The following HMBOX1 variants were observed in gnomAD, a reference collection of about 807,000 sequenced individuals.
The protein encoded by HMBOX1 is homeobox containing 1.
A neutral mutation model predicts 54.5 loss-of-function variants in HMBOX1; 14 were observed. That is an observed-to-expected ratio of 0.26 (90% CI 0.17 to 0.40). The LOEUF (loss-of-function observed/expected upper bound fraction) is 0.40, where lower values mean the gene tolerates loss of function less well. Among genes scored for constraint, HMBOX1 ranks in the 10% least tolerant of loss-of-function variants. The pLI is 1.00. For missense variants in HMBOX1, 332 were observed against 514.4 expected (o/e 0.65, Z 3.43); for synonymous variants, 160 against 181.0 (o/e 0.88, Z 0.93).
At chr8:29,026,499 T>TC (rs1301981160) in intron 6 of HMBOX1, among the ~76,000 whole-genome samples, 1 of 152,158 alleles carries the variant, frequency 6.6e-6, no homozygotes, top group African/African-American at 2.4e-5. Context: ...ATGCCTTAAA[T>TC]AAGTGAAGTT....
At chr8:28,966,835 A>G (rs1246233009) in intron 2 of HMBOX1, among the ~76,000 whole-genome samples, 2 of 152,186 alleles carry the variant, frequency 1.3e-5, no homozygotes, top group Non-Finnish European at 2.9e-5. Context: ...ATTTTGCTTT[A>G]GGTTATATTT....
chr8:29,030,279 G>A (rs1471033800), intron 6 of HMBOX1, among the ~76,000 whole-genome samples: 1 of 150,998 alleles, frequency 6.6e-6, no homozygotes, highest in Admixed American at 6.6e-5. Context: ...GTACAATGGC[G>A]TGATCTCAGC....
At chr8:29,017,784 G>A (rs1159502008) in intron 5 of HMBOX1, among the ~76,000 whole-genome samples, 1 of 152,164 alleles carries the variant, frequency 6.6e-6, no homozygotes, top group African/African-American at 2.4e-5. Flanking sequence ...AGATCTGTAA[G>A]TCTTGAAGTA....
chr8:29,049,110 C>G (rs1806048191), intron 9 of HMBOX1, 62 bp downstream of exon 9: 1 of 1,496,128 alleles, frequency 6.7e-7, no homozygotes, highest in East Asian at 2.3e-5. Flanking sequence ...AGTGGGACAG[C>G]TTAGTTCCTT....
chr8:29,010,543 GAGACCTGT>G (rs1834087812), intron 5 of HMBOX1, among the ~76,000 whole-genome samples: 1 of 151,476 alleles, frequency 6.6e-6, no homozygotes, highest in Admixed American at 6.6e-5. Context: ...ATGACAAAGG[GAGACCTGT>G]CTCAAAAAAA....
intron 1 of HMBOX1, among the ~76,000 whole-genome samples, chr8:28,892,242 A>G (rs1393475717): frequency 1.3e-5 from 2 of 152,224 alleles, no homozygotes; most frequent in Admixed American, 1.3e-4. Flanking sequence ...TTGTGCAATT[A>G]AGTTGCTTGA....
chr8:28,909,193 A>G (rs574384641), intron 1 of HMBOX1, among the ~76,000 whole-genome samples: 36 of 152,218 alleles, frequency 2.4e-4, no homozygotes, highest in South Asian at 8.3e-4. Context: ...GTTTGACAAG[A>G]TAATTGACCT....
At chr8:29,007,894 A>G (rs762515286) in intron 4 of HMBOX1, among the ~76,000 whole-genome samples, 6 of 151,956 alleles carry the variant, frequency 3.9e-5, no homozygotes, top group African/African-American at 9.7e-5. Flanking sequence ...CATTTCCTCA[A>G]ATTTTCTTTT....
At chr8:28,919,916 G>A (rs1817238858) in intron 1 of HMBOX1, among the ~76,000 whole-genome samples, 1 of 151,978 alleles carries the variant, frequency 6.6e-6, no homozygotes, top group Non-Finnish European at 1.5e-5. Context: ...TAAAATGAAA[G>A]CCATAGTCAA....
intron 1 of HMBOX1, among the ~76,000 whole-genome samples, chr8:28,895,105 G>A (rs1057369582): frequency 6.6e-6 from 1 of 152,188 alleles, no homozygotes; most frequent in Non-Finnish European, 1.5e-5. Flanking sequence ...AATTTAGAGT[G>A]TGGATTGTGA....
chr8:28,956,433 G>T (rs1209259027), intron 1 of HMBOX1, among the ~76,000 whole-genome samples: 2 of 151,628 alleles, frequency 1.3e-5, no homozygotes, highest in Non-Finnish European at 2.9e-5. Context: ...TGTTGTAGAT[G>T]TATTACTATG....
At chr8:28,903,322 A>C (rs1167180882) in intron 1 of HMBOX1, among the ~76,000 whole-genome samples, 1 of 152,078 alleles carries the variant, frequency 6.6e-6, no homozygotes, top group African/African-American at 2.4e-5. Flanking sequence ...AATCCTCTTC[A>C]CTCTTGATTT....
At position 28,950,881 on chromosome 8, in the gene HMBOX1, A is replaced by G. The variant is rs17524988; in HGVS notation, c.-57-12930A>G. Among the ~76,000 whole-genome samples the G allele has an allele frequency of 8.3e-3, 1,269 of 152,334 alleles. 14 individuals carry two copies. Among genetic ancestry groups the G allele is most frequent in the Non-Finnish European group, 0.014 (954 of 68,020 alleles). On this transcript the variant is annotated intron_variant, in intron 1 of 9. Transcript: ENST00000287701. ...AGGGAACATAATTGAGATCAACAGT[A>G]AAAGCCACCATGTGTTTTAAAGTAA...
chr8:29,019,959 C>T (rs1015907864), intron 6 of HMBOX1, among the ~76,000 whole-genome samples: 1 of 152,208 alleles, frequency 6.6e-6, no homozygotes, highest in Non-Finnish European at 1.5e-5. Context: ...CAAAATGAGA[C>T]TATAGGTTAT....
At chr8:29,032,833 G>A (rs528146184) in intron 6 of HMBOX1, among the ~76,000 whole-genome samples, 20 of 152,074 alleles carry the variant, frequency 1.3e-4, no homozygotes, top group African/African-American at 4.6e-4. Context: ...TTCCCCCACC[G>A]TACATGTTAG....
chr8:28,955,939 T>TGA (rs1426664788), intron 1 of HMBOX1: 1 of 124,424 alleles, frequency 8.0e-6, no homozygotes, highest in Non-Finnish European at 1.6e-5. Flanking sequence ...GGCGACAGAG[T>TGA]GAGACTCTGT....
intron 1 of HMBOX1, among the ~76,000 whole-genome samples, chr8:28,947,562 A>G (rs912653348): frequency 6.6e-6 from 1 of 152,208 alleles, no homozygotes; most frequent in Non-Finnish European, 1.5e-5. Flanking sequence ...AGTACAATTT[A>G]GTGGATGCTG....
chr8:29,027,063 A>G (rs1449723787), intron 6 of HMBOX1, among the ~76,000 whole-genome samples: 1 of 152,212 alleles, frequency 6.6e-6, no homozygotes, highest in Non-Finnish European at 1.5e-5. Flanking sequence ...AATGGATAAA[A>G]TATATAATTG....
Position 28,925,850 on chromosome 8 carries a change from T to TG in HMBOX1, c.-58+35174dup, listed in dbSNP as rs567977943. Among the ~76,000 whole-genome samples the TG allele has an allele frequency of 3.3e-5, 5 of 152,350 alleles. No individual in the cohort carries two copies. In the East Asian group the frequency reaches 9.6e-4, roughly 29 times the overall value. Reference sequence around the variant, plus strand: ...TGACTTTTCTCTCAATTGTTATTTTTGGTGACCTTGAATCTACTACTTTTA... The same window carrying TG: ...TGACTTTTCTCTCAATTGTTATTTTTGGGTGACCTTGAATCTACTACTTTTA... On this transcript the variant is annotated intron_variant, in intron 1 of 9. Coordinates refer to ENST00000287701, the MANE Select transcript of HMBOX1 (RefSeq NM_001135726.3).
Sources: gnomAD v4.1 joint callset for allele counts (sites outside exome capture counted in the v4.1 genomes callset) on GRCh38, gnomAD v4.1.1 for gene constraint, MANE v1.5 for transcripts, NCBI Gene and HGNC (gene_info 2026-07-23, HGNC 2026-07-21) for gene names.